DOP1B: variants seen among roughly 807,000 people sequenced by gnomAD.
DOP1B encodes DOP1 leucine zipper like protein B.
DOP1B carries 174 observed loss-of-function variants against 233.5 expected under a neutral mutation model. The observed-to-expected ratio is 0.75, with a 90% CI of 0.66 to 0.85. The LOEUF (loss-of-function observed/expected upper bound fraction) is 0.85. DOP1B is among the 40% of genes least tolerant of loss of function. The pLI is 0.00. For synonymous variants in DOP1B, 1,190 were observed against 1,185.6 expected (o/e 1.00, Z -0.08); for missense variants, 2,652 against 2,846.6 (o/e 0.93, Z 1.56).
chr21:36,174,635 G>A (rs1206999398), intron 2 of DOP1B, among the ~76,000 whole-genome samples: 2 of 152,178 alleles, frequency 1.3e-5, no homozygotes, highest in Non-Finnish European at 2.9e-5. Flanking sequence ...CTCCCAAGTA[G>A]CTGAGACTAC....
chr21:36,256,278 A>C (rs2067096652), intron 23 of DOP1B, among the ~76,000 whole-genome samples: 1 of 152,078 alleles, frequency 6.6e-6, no homozygotes, highest in African/African-American at 2.4e-5. Context: ...TCATCTCTAC[A>C]GTAAATTTAA....
chr21:36,218,390 G>C (rs982541906), intron 9 of DOP1B, among the ~76,000 whole-genome samples: 1 of 152,076 alleles, frequency 6.6e-6, no homozygotes, highest in African/African-American at 2.4e-5. Context: ...GGGCGTGGTG[G>C]CACACACCTG....
rs757638189 is a variant in DOP1B at position 36,292,116 on chromosome 21, A to G, written c.6528A>G (p.Ala2176=). Residue 2176 remains alanine, a synonymous_variant, in exon 36 of 37, where the codon GCA becomes GCG. Transcript: ENST00000691173. ...TTGTTCCCTGCAGTTATAGGTGGGC[A>G]TTTATTCCAGAAGTGGACACAGAGG... The part of the protein sequence containing the change: ...KMPLFQIYRW[A]FIPEVDTEGP... 53 of 1,602,168 alleles carry G rather than the reference A, an allele frequency of 3.3e-5. No homozygotes were observed. The highest frequency in any genetic ancestry group is 3.7e-5 in the Non-Finnish European group (43 of 1,176,812).
chr21:36,264,764 C>T (rs775623676), intron 26 of DOP1B, among the ~76,000 whole-genome samples: 4 of 152,106 alleles, frequency 2.6e-5, no homozygotes, highest in Non-Finnish European at 5.9e-5. Flanking sequence ...TGAGCTACCA[C>T]ACCCAGCCTC....
intron 15 of DOP1B, among the ~76,000 whole-genome samples, chr21:36,236,490 C>T (rs1369833008): frequency 6.6e-6 from 1 of 152,190 alleles, no homozygotes; most frequent in East Asian, 1.9e-4. Context: ...GAGCTGAACC[C>T]CAGAATGAGT....
At chr21:36,264,157 A>G (rs1389523610) in intron 26 of DOP1B, among the ~76,000 whole-genome samples, 1 of 152,240 alleles carries the variant, frequency 6.6e-6, no homozygotes, top group Non-Finnish European at 1.5e-5. Flanking sequence ...GCGGTGGCGC[A>G]TACTTGTAAT....
intron 15 of DOP1B, among the ~76,000 whole-genome samples, 183 bp downstream of exon 15, chr21:36,233,258 A>G (rs1029574789): frequency 6.6e-6 from 1 of 152,160 alleles, no homozygotes; most frequent in Non-Finnish European, 1.5e-5. Flanking sequence ...CCCTCCAGGA[A>G]AGCTACAGTG....
At chr21:36,276,116 A>G (rs560431265) in intron 27 of DOP1B, among the ~76,000 whole-genome samples, 1 of 152,234 alleles carries the variant, frequency 6.6e-6, no homozygotes, top group East Asian at 1.9e-4. Flanking sequence ...GCTGGGATGT[A>G]GGAGGGAGCA....
chr21:36,246,350 G>C lies in DOP1B; in HGVS notation c.4370G>C (p.Arg1457Pro), dbSNP rs769669020. ...VLIVLEHHLG[R>P]AHEEAENQPD... ...ATTGTCTTGGAACACCACCTGGGTC[G>C]GGCCCATGAGGAGGCGGAAAACCAG... is the stretch of plus-strand genomic sequence containing the variant. Residue 1457 changes from arginine to proline, a missense_variant, in exon 19 of 37, where the codon CGG becomes CCG. This residue lies in a region of DOP1B where 2,617 missense variants were observed against 2,794.3 expected (regional missense o/e 0.94). Transcript: ENST00000691173. The surrounding 1 kb of genome is among the most constrained non-coding windows in gnomAD (Gnocchi z 5.1). 1 of 1,613,612 alleles carries C rather than the reference G, an allele frequency of 6.2e-7. No individual in the cohort carries two copies. Among genetic ancestry groups the C allele is most frequent in the East Asian group, 2.2e-5 (1 of 44,858 alleles).
At chr21:36,214,290 G>T in intron 8 of DOP1B, 100 bp downstream of exon 8, 1 of 1,274,400 alleles carries the variant, frequency 7.8e-7, no homozygotes, top group Non-Finnish European at 1.1e-6. Context: ...ACGTTCCTTG[G>T]CCCCTGGTTT....
intron 13 of DOP1B, among the ~76,000 whole-genome samples, chr21:36,229,878 G>C (rs1000929251): frequency 1.3e-5 from 2 of 151,568 alleles, no homozygotes; most frequent in African/African-American, 4.9e-5. Context: ...GGCCATGCTG[G>C]TCTTGAGCTC....
chr21:36,265,203 C>T (rs2067217890), intron 26 of DOP1B, among the ~76,000 whole-genome samples: 1 of 152,176 alleles, frequency 6.6e-6, no homozygotes, highest in East Asian at 1.9e-4. Context: ...CAAGACCAGC[C>T]TGGCCAACAT....
At chr21:36,288,724 CAGAT>C (rs755698454) in intron 33 of DOP1B, 28 bp from the exon 34 acceptor site, 54 of 1,531,240 alleles carry the variant, frequency 3.5e-5, no homozygotes, top group Middle Eastern at 1.8e-4. Context: ...TAATCTGTCT[CAGAT>C]AGTAACTTGA....
At chr21:36,240,109 C>G (rs2245474) in intron 18 of DOP1B, among the ~76,000 whole-genome samples, 154 bp downstream of exon 18, 65,639 of 151,958 alleles carry the variant, frequency 0.43, 14,685 homozygotes, top group Non-Finnish European at 0.49. Flanking sequence ...ATTTAAGGAC[C>G]TAGTGATCTA....
Position 36,245,644 on chromosome 21 carries a change from G to C in DOP1B, c.3664G>C (p.Glu1222Gln). The C allele has an allele frequency of 3.1e-6, 5 of 1,613,358 alleles. No homozygotes were observed. Among genetic ancestry groups the C allele is most frequent in the Non-Finnish European group, 4.2e-6 (5 of 1,179,986 alleles). Residue 1222 changes from glutamate (E) to glutamine (Q), a missense_variant, in exon 19 of 37, where the codon GAG becomes CAG. Glu to Gln is a conservative substitution (Grantham distance 29). Coordinates refer to ENST00000691173, the MANE Select transcript of DOP1B (RefSeq NM_001320714.2). The surrounding 1 kb of genome is among the most constrained non-coding windows in gnomAD (Gnocchi z 5.5). ...GCAGCGGGAAAGGCAGGAGGCCGTC[G>C]AGGCCTTGTTCAAGCACATCCTGCT... Reference protein sequence around the residue: ...KQQRERQEAVEALFKHILLYL... With the variant: ...KQQRERQEAVQALFKHILLYL...
intron 35 of DOP1B, 80 bp downstream of exon 35, chr21:36,289,286 A>G (rs2067527832): frequency 6.9e-7 from 1 of 1,452,866 alleles, no homozygotes; most frequent in Non-Finnish European, 9.5e-7. Context: ...CTTGTTTTTC[A>G]TGTACAGTTT....
rs764268941 is a variant in DOP1B at position 36,230,506 on chromosome 21, C to T, written c.1722C>T (p.Pro574=). 44 of 1,613,390 alleles carry T rather than the reference C, an allele frequency of 2.7e-5. No homozygotes were observed. The highest frequency in any genetic ancestry group is 1.2e-4 in the South Asian group (11 of 91,080). The change falls in exon 14 of 37, where the codon CCC becomes CCT. Residue 574 remains proline, a synonymous_variant. Transcript: ENST00000691173. ...KIILETKAVI[P]GDEDASFPPL... is the part of the protein sequence containing the mutation. ...TTTTGGAAACAAAGGCAGTGATTCCCGGTGACGAAGATGCTTCGTTTCCCC... is the reference window on the plus strand; with the variant it reads ...TTTTGGAAACAAAGGCAGTGATTCCTGGTGACGAAGATGCTTCGTTTCCCC...
At chr21:36,163,370 AAGT>A (rs757542496) in intron 1 of DOP1B, among the ~76,000 whole-genome samples, 8 of 149,582 alleles carry the variant, frequency 5.3e-5, no homozygotes, top group African/African-American at 2.0e-4. Flanking sequence ...GAAAGAAAGA[AAGT>A]AGTGGTGGCC....
chr21:36,251,322 T>C lies in DOP1B; in HGVS notation c.5121+38T>C, dbSNP rs769599252. ...AAGTTACAGGAGTGGTTAAACTTAC[T>C]GTGACAAAGAAATACCACAGAATCA... On this transcript the variant is annotated intron_variant, in intron 22 of 36. Coordinates refer to ENST00000691173, the MANE Select transcript of DOP1B (RefSeq NM_001320714.2). 21 of 1,589,614 alleles carry C rather than the reference T, an allele frequency of 1.3e-5. No homozygotes were observed. The Middle Eastern group carries it at 6.7e-4, about 51-fold the overall frequency.
Sources: gnomAD v4.1 joint callset for allele counts (sites outside exome capture counted in the v4.1 genomes callset) on GRCh38, gnomAD v4.1.1 for gene constraint, gnomAD v4.1.1 regional missense constraint, Gnocchi (gnomAD v3.1) non-coding constraint, MANE v1.5 for transcripts, NCBI Gene and HGNC (gene_info 2026-07-23, HGNC 2026-07-21) for gene names.